SCN9A: variants seen among roughly 807,000 people sequenced by gnomAD.
The protein encoded by SCN9A is sodium voltage-gated channel alpha subunit 9, also known as sodium channel protein type 9 subunit alpha.
A neutral mutation model predicts 187.0 loss-of-function variants in SCN9A; 131 were observed. The observed-to-expected ratio is 0.70, with a 90% CI of 0.61 to 0.81. The LOEUF is 0.81. Among genes scored for constraint, SCN9A ranks in the 30% least tolerant of loss-of-function variants. The pLI is 0.00. For missense variants in SCN9A, 2,252 were observed against 2,396.6 expected, an observed-to-expected ratio of 0.94 and a Z score of 1.26; for synonymous variants, 809 against 808.6, an observed-to-expected ratio of 1.00 and a Z score of -0.01.
chr2:166,318,719 C>T (rs907996292), intron 1 of SCN9A, among the ~76,000 whole-genome samples: 13 of 152,216 alleles, frequency 8.5e-5, no homozygotes, highest in African/African-American at 3.1e-4. Context: ...AAAAGGGGCA[C>T]TTTACCAGAA....
chr2:166,333,596 C>T (rs918081675), intron 1 of SCN9A, among the ~76,000 whole-genome samples: 1 of 152,064 alleles, frequency 6.6e-6, no homozygotes, highest in African/African-American at 2.4e-5. Context: ...GGGACTTACT[C>T]TTTTGCTAAA....
At position 166,284,503 on chromosome 2, in the gene SCN9A, C is replaced by T. The variant is rs572332475; in HGVS notation, c.1924G>A (p.Gly642Arg). The T allele has an allele frequency of 6.2e-7, 1 of 1,614,088 alleles. No homozygotes were observed. The highest frequency in any genetic ancestry group is 8.5e-7 in the Non-Finnish European group (1 of 1,179,980). ...DGRSALMLPNGQLLPEVIIDK... is the reference protein window; with the variant it reads ...DGRSALMLPNRQLLPEVIIDK... Reference sequence around the variant, plus strand: ...ATTATCACCTCTGGCAGAAGCTGTCCATTGGGGAGCATGAGGGCTGAGCGT... The same window carrying T: ...ATTATCACCTCTGGCAGAAGCTGTCTATTGGGGAGCATGAGGGCTGAGCGT... The change falls in exon 12 of 27, where the codon GGA (glycine) becomes AGA (arginine). Residue 642 changes from glycine (G) to arginine (R), a missense_variant. Coordinates refer to ENST00000642356, the MANE Select transcript of SCN9A (RefSeq NM_001365536.1).
At chr2:166,326,788 T>C (rs1312182463) in intron 1 of SCN9A, among the ~76,000 whole-genome samples, 1 of 152,186 alleles carries the variant, frequency 6.6e-6, no homozygotes, top group Non-Finnish European at 1.5e-5. Flanking sequence ...CTGAAAGATT[T>C]TGTGGCTGCA....
At chr2:166,226,081 A>T (rs2106382608) in intron 24 of SCN9A, among the ~76,000 whole-genome samples, 1 of 152,124 alleles carries the variant, frequency 6.6e-6, no homozygotes, top group Non-Finnish European at 1.5e-5. Context: ...AAATTACAGT[A>T]TTCAACAAGT....
intron 1 of SCN9A, among the ~76,000 whole-genome samples, chr2:166,360,843 C>A (rs1279559268): frequency 1.3e-5 from 2 of 152,102 alleles, no homozygotes; most frequent in African/African-American, 4.8e-5. Context: ...CATGAGTTGG[C>A]CAATAAACAC....
chr2:166,251,634 C>G, intron 18 of SCN9A, 131 bp downstream of exon 18: 1 of 916,546 alleles, frequency 1.1e-6, no homozygotes, highest in Admixed American at 2.3e-5. Context: ...AATCATCATA[C>G]AGCTATAGCT....
At chr2:166,246,906 A>T (rs1695813045) in intron 18 of SCN9A, among the ~76,000 whole-genome samples, 2 of 152,042 alleles carry the variant, frequency 1.3e-5, no homozygotes, top group South Asian at 4.1e-4. Flanking sequence ...GGCAAGAGTG[A>T]TGGAGCGCCT....
chr2:166,271,871 A>C (rs990370762), intron 17 of SCN9A, among the ~76,000 whole-genome samples: 2 of 151,578 alleles, frequency 1.3e-5, no homozygotes, highest in African/African-American at 4.8e-5. Context: ...TTTTAAAAAA[A>C]AGAAGAGAGA....
At chr2:166,311,144 G>T (rs1318679343) in intron 2 of SCN9A, among the ~76,000 whole-genome samples, 2 of 115,176 alleles carry the variant, frequency 1.7e-5, no homozygotes, top group Non-Finnish European at 3.5e-5. Context: ...TATACCTAAT[G>T]CTAGATGACC....
intron 1 of SCN9A, among the ~76,000 whole-genome samples, chr2:166,356,564 T>C (rs575222561): frequency 6.6e-6 from 1 of 152,272 alleles, no homozygotes; most frequent in South Asian, 2.1e-4. Flanking sequence ...AAAGTATGTA[T>C]AACGAAAAAT....
chr2:166,277,541 AC>A (rs1697291384), intron 15 of SCN9A, among the ~76,000 whole-genome samples: 1 of 152,190 alleles, frequency 6.6e-6, no homozygotes, highest in Admixed American at 6.6e-5. Flanking sequence ...AAAAATTACA[AC>A]ACATATTATG....
chr2:166,276,810 A>G, intron 16 of SCN9A, 173 bp downstream of exon 16: 1 of 475,650 alleles, frequency 2.1e-6, no homozygotes, highest in Non-Finnish European at 3.3e-6. Context: ...TAGGAAAACT[A>G]ATACAAAATT....
chr2:166,359,865 T>G (rs1700235447), intron 1 of SCN9A, among the ~76,000 whole-genome samples: 1 of 151,466 alleles, frequency 6.6e-6, no homozygotes, highest in South Asian at 2.1e-4. Context: ...ATTATTTTAT[T>G]ATTAAGATAG....
intron 17 of SCN9A, among the ~76,000 whole-genome samples, chr2:166,263,715 C>T (rs1696610666): frequency 6.6e-6 from 1 of 151,938 alleles, no homozygotes; most frequent in South Asian, 2.1e-4. Context: ...TTTGCAGACA[C>T]AATGAAGATG....
At chr2:166,308,878 A>G (rs1035903450) in intron 2 of SCN9A, among the ~76,000 whole-genome samples, 3 of 145,986 alleles carry the variant, frequency 2.1e-5, no homozygotes, top group African/African-American at 7.7e-5. Flanking sequence ...GTGAGCCAAA[A>G]TCGCGCCACG....
chr2:166,331,134 A>G (rs1026153897), intron 1 of SCN9A, among the ~76,000 whole-genome samples: 4 of 152,182 alleles, frequency 2.6e-5, no homozygotes, highest in Non-Finnish European at 4.4e-5. Context: ...CATAAATTCC[A>G]AAATTTTATT....
chr2:166,374,687 C>T (rs948399718), intron 1 of SCN9A, among the ~76,000 whole-genome samples: 6 of 151,840 alleles, frequency 4.0e-5, no homozygotes, highest in African/African-American at 1.5e-4. Context: ...AAATCTTTAT[C>T]TTGTCTACAG....
chr2:166,292,250 T>C (rs1447734089), intron 9 of SCN9A, among the ~76,000 whole-genome samples: 1 of 152,070 alleles, frequency 6.6e-6, no homozygotes, highest in African/African-American at 2.4e-5. Flanking sequence ...TATTAATAAT[T>C]GTATAATGTA....
At chr2:166,309,892 C>T (rs1239394519) in intron 2 of SCN9A, among the ~76,000 whole-genome samples, 2 of 148,220 alleles carry the variant, frequency 1.3e-5, no homozygotes, top group Non-Finnish European at 3.0e-5. Context: ...GGTACTGGTA[C>T]CAAAACAGAG....
Sources: gnomAD v4.1 joint callset for allele counts (sites outside exome capture counted in the v4.1 genomes callset) on GRCh38, gnomAD v4.1.1 for gene constraint, MANE v1.5 for transcripts, NCBI Gene and HGNC (gene_info 2026-07-23, HGNC 2026-07-21) for gene names.